C8orf89: variants seen among roughly 807,000 people sequenced by gnomAD.
The protein encoded by C8orf89 is chromosome 8 open reading frame 89, also known as putative uncharacterized protein C8orf89.
C8orf89 carries 14 observed loss-of-function variants against 15.8 expected under a neutral mutation model. The ratio of observed to expected loss-of-function variants is 0.89; its 90% CI spans 0.59 to 1.39. The LOEUF is 1.39. Ranked by LOEUF, C8orf89 falls within the 40% of genes most tolerant of loss-of-function variation. The probability of loss-of-function intolerance (pLI) is 0.00; values close to 1 mark genes in which losing one functional copy is unlikely to be tolerated. For missense variants in C8orf89, 181 were observed against 184.5 expected, an observed-to-expected ratio of 0.98 and a Z score of 0.11; for synonymous variants, 55 against 62.2, an observed-to-expected ratio of 0.88 and a Z score of 0.54.
intron 2 of C8orf89, among the ~76,000 whole-genome samples, chr8:73,256,133 T>C (rs1586166064): frequency 8.5e-6 from 1 of 117,116 alleles, no homozygotes; most frequent in African/African-American, 4.9e-5. Flanking sequence ...AAATAACAAA[T>C]AATAATAATA....
At chr8:73,263,689 G>A (rs923632391), upstream of C8orf89, among the ~76,000 whole-genome samples, 6 of 152,138 alleles carry the variant, frequency 3.9e-5, no homozygotes. Flanking sequence ...CATGGAAGAT[G>A]TAATACTGAA....
At chr8:73,276,387 A>G in the C8orf89 span, among the ~76,000 whole-genome samples, 1 of 152,096 alleles carries the variant, frequency 6.6e-6, no homozygotes, top group Non-Finnish European at 1.5e-5. Flanking sequence ...CATGTTGGCC[A>G]GCCTATTCTT....
rs1255297180 is a variant in C8orf89 at position 73,256,596 on chromosome 8, C to T, written c.281+377G>A. Among the ~76,000 whole-genome samples, 101 of 151,538 alleles carry T rather than the reference C, an allele frequency of 6.7e-4. 1 individual carries two copies. The highest frequency in any genetic ancestry group is 1.0e-4 in the Non-Finnish European group (7 of 67,854). On this transcript the variant is annotated intron_variant, in intron 2 of 3. Coordinates refer to ENST00000624510, the MANE Select transcript of C8orf89 (RefSeq NM_001243237.3). The stretch of plus-strand genomic sequence containing the variant: ...TACAAAAATTAGCTGGGCGTGGTGG[C>T]GGGCGCCTGTAATCCCAGCTACTCA...
chr8:73,250,714 A>G (rs75744243), intron 2 of C8orf89, among the ~76,000 whole-genome samples: 2,020 of 152,330 alleles, frequency 0.013, 19 homozygotes, highest in Middle Eastern at 0.024. Flanking sequence ...ACTGAAATAC[A>G]TCTAGATAAT....
chr8:73,269,391 TTAAC>T, the C8orf89 span, among the ~76,000 whole-genome samples: 1 of 152,232 alleles, frequency 6.6e-6, no homozygotes, highest in African/African-American at 2.4e-5. Context: ...AACCTCTCAG[TTAAC>T]CACCACTGTC....
Position 73,258,796 on chromosome 8 carries a change from A to G in C8orf89, c.127+536T>C, listed in dbSNP as rs151201560. Among the ~76,000 whole-genome samples the G allele has an allele frequency of 4.8e-3, 729 of 151,906 alleles. 5 individuals are homozygous for G. Among genetic ancestry groups the G allele is most frequent in the African/African-American group, 0.015 (611 of 41,414 alleles). On this transcript the variant is annotated intron_variant, in intron 1 of 3. Coordinates refer to ENST00000624510, the MANE Select transcript of C8orf89 (RefSeq NM_001243237.3). Reference sequence around the variant, plus strand: ...CAGGCGCACACCAACACGCTCAGCTAATTTTTGTGTTTTTTGTAGAGATGG... The same window carrying G: ...CAGGCGCACACCAACACGCTCAGCTGATTTTTGTGTTTTTTGTAGAGATGG...
chr8:73,256,982 G>C lies in C8orf89; in HGVS notation c.272C>G (p.Ser91Cys). ...AATAGCAATGATCTACCTGACTGCA[G>C]ACACCTCGGCATCAGCACGTGGCAG... Reference protein sequence around the residue: ...KRLPRADAEVSAVRLKKTKET... With the variant: ...KRLPRADAEVCAVRLKKTKET... Residue 91 changes from serine (S) to cysteine (C), a missense_variant, in exon 2 of 4, where the codon TCT (serine) becomes TGT (cysteine). By Grantham distance (112) the Ser-to-Cys change is moderately radical. Transcript: ENST00000624510. 1 of 1,533,852 alleles carries C rather than the reference G, an allele frequency of 6.5e-7. No individual in the cohort carries two copies. The highest frequency in any genetic ancestry group is 1.2e-5 in the South Asian group (1 of 83,562).
chr8:73,262,993 T>TA (rs1813557374), upstream of C8orf89, among the ~76,000 whole-genome samples: 2 of 152,020 alleles, frequency 1.3e-5, no homozygotes, highest in Non-Finnish European at 2.9e-5. Flanking sequence ...TTTACAGAAC[T>TA]AATAAAAAGG....
intron 3 of C8orf89, among the ~76,000 whole-genome samples, chr8:73,243,235 C>T (rs2605876): frequency 0.057 from 8,697 of 152,088 alleles, 326 homozygotes; most frequent in East Asian, 0.13. Context: ...AATAAGAACA[C>T]GTATTTGATA....
the C8orf89 span, among the ~76,000 whole-genome samples, chr8:73,285,492 G>A: frequency 4.5e-3 from 692 of 152,288 alleles, 5 homozygotes; most frequent in South Asian, 0.016. Context: ...TTCGTGGGAG[G>A]GAGTGGGACT....
At chr8:73,266,398 T>C in the C8orf89 span, among the ~76,000 whole-genome samples, 1 of 152,216 alleles carries the variant, frequency 6.6e-6, no homozygotes, top group African/African-American at 2.4e-5. Context: ...CATCATGACA[T>C]GGGAAAAGAT....
At chr8:73,258,506 G>C (rs770989438) in intron 1 of C8orf89, among the ~76,000 whole-genome samples, 2 of 151,912 alleles carry the variant, frequency 1.3e-5, no homozygotes, top group South Asian at 4.2e-4. Context: ...TGAAAGTAAG[G>C]GGGAATAACT....
chr8:73,250,047 C>A (rs1419623638), intron 3 of C8orf89, among the ~76,000 whole-genome samples: 1 of 151,930 alleles, frequency 6.6e-6, no homozygotes, highest in Non-Finnish European at 1.5e-5. Flanking sequence ...CTAAATGGCC[C>A]AAGTGAGATA....
intron 3 of C8orf89, among the ~76,000 whole-genome samples, chr8:73,248,299 G>A (rs1304267795): frequency 3.3e-5 from 5 of 152,022 alleles, no homozygotes; most frequent in African/African-American, 1.2e-4. Flanking sequence ...ATTGATCTAT[G>A]TGTCTGTTTT....
Position 73,241,554 on chromosome 8 carries a change from C to A in C8orf89, c.389G>T (p.Arg130Ile). The change falls in exon 4 of 4, where the codon AGA becomes ATA. Residue 130 changes from arginine to isoleucine, a missense_variant. Arg to Ile is a moderately conservative substitution (Grantham distance 97, BLOSUM62 -3). Coordinates refer to ENST00000624510, the MANE Select transcript of C8orf89 (RefSeq NM_001243237.3). The part of the protein sequence containing the change: ...LTGAPSQYLE[R>I]LSKIAILEYD... ...TTCCAATATGGCTATTTTGGAAAGT[C>A]TCTCTAAGTATTGAGATGGTGCTCC... 1 of 1,532,864 alleles carries A rather than the reference C, an allele frequency of 6.5e-7. No individual in the cohort carries two copies. Among genetic ancestry groups the A allele is most frequent in the South Asian group, 1.2e-5 (1 of 83,554 alleles). The allele number at this position is 1,532,864 out of a possible 1,614,324, so 95.0% of individuals were successfully genotyped here.
At chr8:73,277,454 C>A in the C8orf89 span, 1 of 1,083,972 alleles carries the variant, frequency 9.2e-7, no homozygotes, top group Non-Finnish European at 1.4e-6. Context: ...AATTCTTTTT[C>A]TCGGTGCTCG....
chr8:73,252,826 T>A (rs1813277212), intron 2 of C8orf89, among the ~76,000 whole-genome samples: 1 of 152,318 alleles, frequency 6.6e-6, no homozygotes, highest in Middle Eastern at 3.4e-3. Flanking sequence ...TCACTTTTTT[T>A]AATACTACCA....
the C8orf89 span, among the ~76,000 whole-genome samples, chr8:73,274,441 G>T: frequency 6.6e-6 from 1 of 152,058 alleles, no homozygotes; most frequent in Non-Finnish European, 1.5e-5. Flanking sequence ...GTGAGCCACC[G>T]CACCTGGCCA....
the C8orf89 span, among the ~76,000 whole-genome samples, chr8:73,282,103 TA>T: frequency 3.3e-5 from 5 of 152,258 alleles, no homozygotes; most frequent in Non-Finnish European, 5.9e-5. Flanking sequence ...AATAGGCTAA[TA>T]CATGTGACTT....
Sources: allele counts gnomAD v4.1 joint callset (sites outside exome capture counted in the v4.1 genomes callset), GRCh38; gene constraint gnomAD v4.1.1; transcripts MANE v1.5; gene names NCBI Gene and HGNC (gene_info 2026-07-23, HGNC 2026-07-21).